The following SWAP70 variants were observed in gnomAD, a reference collection of about 807,000 sequenced individuals.
SWAP70 encodes switching B cell complex subunit SWAP70, also known as switch-associated protein 70.
Under a neutral mutation model 80.2 loss-of-function variants are expected in SWAP70, and 34 were observed. The observed-to-expected ratio is 0.42, with a 90% confidence interval of 0.32 to 0.56. The LOEUF is 0.56. Ranked by LOEUF, SWAP70 falls within the 20% of genes least tolerant of loss-of-function variation. The pLI, the probability that SWAP70 is intolerant of heterozygous loss-of-function variation, is 0.09. For missense variants in SWAP70, 578 were observed against 690.7 expected (o/e 0.84, Z 1.83); for synonymous variants, 239 against 238.5 (o/e 1.00, Z -0.02).
In SWAP70 at chr11:9,745,926, C is replaced by A. The variant is rs116552382; in HGVS notation, c.1356-1932C>A. The stretch of plus-strand genomic sequence containing the variant: ...GAAAGGCAGGTGACCAGGCCTTGAA[C>A]ACAGGCAGGAATCACAGGGGGATGA... On this transcript the variant is annotated intron_variant, in intron 9 of 11. Coordinates refer to ENST00000318950, the MANE Select transcript of SWAP70 (RefSeq NM_015055.4). Among the ~76,000 whole-genome samples, 1,093 of 152,292 alleles carry A rather than the reference C, an allele frequency of 7.2e-3. 10 individuals carry two copies. The highest frequency in any genetic ancestry group is 0.025 in the African/African-American group (1,040 of 41,552).
intron 7 of SWAP70, among the ~76,000 whole-genome samples, chr11:9,734,760 C>G (rs1358431383): frequency 6.6e-6 from 1 of 152,112 alleles, no homozygotes; most frequent in Non-Finnish European, 1.5e-5. Context: ...GTAGCTGGGA[C>G]TACAGGTGTG....
intron 1 of SWAP70, among the ~76,000 whole-genome samples, chr11:9,664,644 C>T (rs1451574729): frequency 6.6e-6 from 1 of 152,214 alleles, no homozygotes; most frequent in Non-Finnish European, 1.5e-5. Context: ...CCTTACACAG[C>T]CTTCCCAGAA....
At position 9,722,732 on chromosome 11, in the gene SWAP70, T is replaced by C. The variant is rs184273807; in HGVS notation, c.415-1926T>C. ...AATGACATAAAGCATAAGGAAAATA[T>C]GGTAAGAGGGTAAACTACTTATAAT... On this transcript the variant is annotated intron_variant, in intron 3 of 11. Transcript: ENST00000318950. 1.8e-3 allele frequency among the ~76,000 whole-genome samples: 277 copies of C among 152,274 alleles called. 3 individuals carry two copies. Among genetic ancestry groups the C allele is most frequent in the Non-Finnish European group, 1.8e-3 (123 of 68,022 alleles).
intron 1 of SWAP70, among the ~76,000 whole-genome samples, chr11:9,675,348 A>C (rs987873726): frequency 5.8e-4 from 7 of 12,000 alleles, no homozygotes; most frequent in African/African-American, 3.0e-3. Flanking sequence ...AGAGGGAGCG[A>C]GAGAGAGAGA....
chr11:9,724,780 T>G lies in SWAP70; in HGVS notation c.537T>G (p.Ile179Met). Residue 179 changes from isoleucine to methionine, a missense_variant, in exon 4 of 12, where the codon ATT becomes ATG. Physicochemically the swap from Ile to Met is conservative, Grantham distance 10. Transcript: ENST00000318950. Reference protein sequence around the residue: ...SKNGLSAWELIELIGNGQFSK... With the variant: ...SKNGLSAWELMELIGNGQFSK... Reference sequence around the variant, plus strand: ...ATGGCCTTTCTGCATGGGAACTTATTGAGCTTATTGGAAATGGACAGTTTA... The same window carrying G: ...ATGGCCTTTCTGCATGGGAACTTATGGAGCTTATTGGAAATGGACAGTTTA... 2 of 1,613,922 alleles carry G rather than the reference T, an allele frequency of 1.2e-6. No homozygotes were observed. Among genetic ancestry groups the G allele is most frequent in the Non-Finnish European group, 8.5e-7 (1 of 1,179,794 alleles).
chr11:9,737,622 G>A (rs1013333271), intron 7 of SWAP70, among the ~76,000 whole-genome samples: 2 of 152,196 alleles, frequency 1.3e-5, no homozygotes, highest in Non-Finnish European at 2.9e-5. Context: ...ATGTGGCTGG[G>A]CATGGTGGCT....
intron 1 of SWAP70, among the ~76,000 whole-genome samples, chr11:9,677,936 C>G (rs11820578): frequency 1.8e-4 from 28 of 151,974 alleles, no homozygotes; most frequent in African/African-American, 4.4e-4. Flanking sequence ...GGATATCTTA[C>G]GAATCATACC....
chr11:9,732,164 G>A (rs1181787295), intron 6 of SWAP70, among the ~76,000 whole-genome samples: 1 of 152,150 alleles, frequency 6.6e-6, no homozygotes, highest in East Asian at 1.9e-4. Flanking sequence ...TATAGAGAAA[G>A]GAGTCGAAAG....
intron 2 of SWAP70, among the ~76,000 whole-genome samples, chr11:9,696,779 G>A (rs1850763725): frequency 6.6e-6 from 1 of 151,898 alleles, no homozygotes; most frequent in African/African-American, 2.4e-5. Context: ...ATAACACCGA[G>A]CATGAAATTT....
intron 9 of SWAP70, among the ~76,000 whole-genome samples, chr11:9,745,117 C>T (rs1032590073): frequency 1.3e-5 from 2 of 152,040 alleles, no homozygotes; most frequent in African/African-American, 4.8e-5. Context: ...AACAACAGTC[C>T]CTCTTACATT....
chr11:9,718,832 C>A (rs1851098055), intron 3 of SWAP70, among the ~76,000 whole-genome samples: 1 of 151,820 alleles, frequency 6.6e-6, no homozygotes, highest in Admixed American at 6.6e-5. Context: ...ACCAGCCTGG[C>A]TTGGTGGTTC....
At chr11:9,696,636 G>A (rs1384730577) in intron 2 of SWAP70, among the ~76,000 whole-genome samples, 1 of 152,068 alleles carries the variant, frequency 6.6e-6, no homozygotes, top group Admixed American at 6.6e-5. Context: ...TATGTGACCA[G>A]TAGGATATAA....
chr11:9,709,409 CTGAGCCACCACACCTTGCTGAGCTTGAGT>C (rs1199655874), intron 2 of SWAP70, among the ~76,000 whole-genome samples: 1 of 152,218 alleles, frequency 6.6e-6, no homozygotes, highest in Non-Finnish European at 1.5e-5. Context: ...AATTATAGGC[CTGAGCCACCACACCTTGCTGAGCTTGAGT>C]TTAAACTTTG....
chr11:9,750,051 T>G lies in SWAP70; in HGVS notation c.*81T>G. The G allele has an allele frequency of 9.5e-7, 1 of 1,052,114 alleles. No individual in the cohort carries two copies. The highest frequency in any genetic ancestry group is 1.3e-5 in the South Asian group (1 of 74,844). The allele number at this position is 1,052,114 out of a possible 1,614,324, so 65.2% of individuals were successfully genotyped here. ...TACGCTAAAGACAAAAGAAACAGCT[T>G]TGGGGGCCGGGCGTGGTGGCTCACG... is the stretch of plus-strand genomic sequence containing the variant. On this transcript the variant is annotated 3_prime_UTR_variant, in exon 12 of 12. Coordinates refer to ENST00000318950, the MANE Select transcript of SWAP70 (RefSeq NM_015055.4).
At chr11:9,732,807 G>A (rs1851317530) in intron 7 of SWAP70, 97 bp downstream of exon 7, 1 of 1,222,366 alleles carries the variant, frequency 8.2e-7, no homozygotes, top group Non-Finnish European at 1.1e-6. Context: ...GATGAATGTA[G>A]TGCAGTTTTA....
At chr11:9,681,691 A>G (rs1048038499) in intron 1 of SWAP70, among the ~76,000 whole-genome samples, 1 of 152,210 alleles carries the variant, frequency 6.6e-6, no homozygotes, top group Admixed American at 6.5e-5. Context: ...TGAGTGATAC[A>G]GATGAGCAAA....
chr11:9,717,659 C>CAAAA lies in SWAP70; in HGVS notation c.414+4035_414+4038dup, dbSNP rs3049795. On this transcript the variant is annotated intron_variant, in intron 3 of 11. Transcript: ENST00000318950. ...TGGGAGATAGAGCCAGACCTTGTCT[C>CAAAA]AAAAAAAAAAAAAAAAAATTACAGT... Among the ~76,000 whole-genome samples the CAAAA allele has an allele frequency of 2.7e-3, 311 of 115,668 alleles. 2 individuals carry two copies. Among genetic ancestry groups the CAAAA allele is most frequent in the Admixed American group, 5.0e-3 (54 of 10,816 alleles). 75.9% of individuals were successfully genotyped at this position (115,668 alleles called of 152,430 possible). A position where few individuals can be genotyped will look rare whatever the true frequency, so the allele number is the denominator to read the frequency against.
chr11:9,669,887 G>A (rs1850353721), intron 1 of SWAP70, among the ~76,000 whole-genome samples: 2 of 152,112 alleles, frequency 1.3e-5, no homozygotes, highest in African/African-American at 4.8e-5. Flanking sequence ...CAGCACTTTG[G>A]GAGGCTGAAG....
In SWAP70 at chr11:9,724,710, A is replaced by C; in HGVS notation, c.467A>C (p.Gln156Pro). ...LTEAMGGGWQQEQFEHYKINF... is the reference protein window; with the variant it reads ...LTEAMGGGWQPEQFEHYKINF... ...GAAGCTATGGGAGGAGGTTGGCAGC[A>C]AGAACAATTTGAACATTATAAAATC... Residue 156 changes from glutamine (Q) to proline (P), a missense_variant, in exon 4 of 12, where the codon CAA (glutamine) becomes CCA (proline). Transcript: ENST00000318950. 6.2e-7 allele frequency: 1 copy of C among 1,614,188 alleles called. No individual in the cohort carries two copies. The highest frequency in any genetic ancestry group is 8.5e-7 in the Non-Finnish European group (1 of 1,180,028).
Sources: gnomAD v4.1 joint callset for allele counts (sites outside exome capture counted in the v4.1 genomes callset) on GRCh38, gnomAD v4.1.1 for gene constraint, MANE v1.5 for transcripts, NCBI Gene and HGNC (gene_info 2026-07-23, HGNC 2026-07-21) for gene names.